Variants in TMC6 observed in about 807,000 individuals in gnomAD.
TMC6 encodes the protein transmembrane channel-like protein 6.
Under a neutral mutation model 95.4 loss-of-function variants are expected in TMC6, and 71 were observed. The ratio of observed to expected loss-of-function variants is 0.74; its 90% CI spans 0.61 to 0.91. TMC6 has a LOEUF of 0.91. Ranked by LOEUF, TMC6 falls within the 40% of genes least tolerant of loss-of-function variation. TMC6 has a pLI of 0.00. For missense variants in TMC6, 1,074 were observed against 1,079.1 expected, an observed-to-expected ratio of 1.00 and a Z score of 0.07; for synonymous variants, 514 against 483.1, an observed-to-expected ratio of 1.06 and a Z score of -0.84.
rs1005632095 is a variant in TMC6 at position 78,119,056 on chromosome 17, G to A, written c.1812-10C>T. The stretch of plus-strand genomic sequence containing the variant: ...GAAGAGCACCCCCAGCCTGGGGAGG[G>A]GGTGGCAGTTCAGGGGCTGCTCCAG... On this transcript the variant is annotated splice_polypyrimidine_tract_variant and intron_variant, in intron 14 of 19. Transcript: ENST00000590602. 3 of 1,573,396 alleles carry A rather than the reference G, an allele frequency of 1.9e-6. No homozygotes were observed. The highest frequency in any genetic ancestry group is 1.4e-5 in the African/African-American group (1 of 73,722).
chr17:78,131,973 G>A, upstream of TMC6: 1 of 1,522,568 alleles, frequency 6.6e-7, no homozygotes, highest in South Asian at 1.2e-5. Context: ...GCGGGAGGCA[G>A]CGCAGCGGCT....
upstream of TMC6, chr17:78,131,404 G>T: frequency 1.3e-6 from 1 of 779,038 alleles, no homozygotes; most frequent in Non-Finnish European, 2.0e-6. Flanking sequence ...CGGCAGACCC[G>T]GGCAAGTGAA....
chr17:78,131,449 G>A (rs1031748324), upstream of TMC6: 29 of 1,253,336 alleles, frequency 2.3e-5, no homozygotes, highest in Non-Finnish European at 3.1e-5. Context: ...CCCGACGCCG[G>A]CGCAGAGGGG....
At chr17:78,126,972 T>G in intron 1 of TMC6, 66 bp from the exon 2 acceptor site, 1 of 977,972 alleles carries the variant, frequency 1.0e-6, no homozygotes. Context: ...ACACCACCCA[T>G]TCCTGGGGGA....
chr17:78,121,805 A>C lies in TMC6; in HGVS notation c.1228-94T>G. On this transcript the variant is annotated intron_variant, in intron 10 of 19. Transcript: ENST00000590602. The surrounding 1 kb of genome is among the most constrained non-coding windows in gnomAD (Gnocchi z 5.6). ...ACAACACACACAACACACATGAGAC[A>C]CACCAGGAGGCTTGAACCAGGACAG... 1 of 1,449,882 alleles carries C rather than the reference A, an allele frequency of 6.9e-7. No homozygotes were observed. 89.8% of individuals were successfully genotyped at this position (1,449,882 alleles called of 1,614,324 possible).
In TMC6 at chr17:78,126,777, C is replaced by T. The variant is rs540739576; in HGVS notation, c.56G>A (p.Gly19Asp). The T allele has an allele frequency of 2.5e-6, 4 of 1,613,196 alleles. No homozygotes were observed. The South Asian group carries it at 3.3e-5, about 13-fold the overall frequency. ...CAGCCCCCAGCCCCAGAGCGCTTAC[C>T]CCTGGTCCCCTGGGGTCTCAGGGAC... ...LDVPETPGDQGQGPSPYDESE... is the reference protein window; with the variant it reads ...LDVPETPGDQDQGPSPYDESE... Residue 19 changes from glycine to aspartate, a missense_variant and splice_region_variant, in exon 2 of 20, where the codon GGC becomes GAC. By Grantham distance (94) the Gly-to-Asp change is moderately conservative. Transcript: ENST00000590602.
Position 78,125,776 on chromosome 17 carries a change from C to T in TMC6, c.380G>A (p.Ser127Asn). The change falls in exon 5 of 20, where the codon AGC becomes AAC. Residue 127 changes from serine to asparagine, a missense_variant. By Grantham distance (46) the Ser-to-Asn change is conservative. Transcript: ENST00000590602. The stretch of plus-strand genomic sequence containing the variant: ...CAGCTCCAGGTCGTACAGGCGGAGG[C>T]TGGGCCAGGCGGAGCGGACAAAGTT... Reference protein sequence around the residue: ...LGNFVRSAWPSLRLYDLELDP... With the variant: ...LGNFVRSAWPNLRLYDLELDP... 6.4e-7 allele frequency: 1 copy of T among 1,565,636 alleles called. No homozygotes were observed. Among genetic ancestry groups the T allele is most frequent in the Non-Finnish European group, 8.7e-7 (1 of 1,155,430 alleles).
rs1336225830 is a variant in TMC6 at position 78,108,691 on chromosome 17, C to T, written c.*4457G>A. 6.5e-6 allele frequency: 1 copy of T among 154,492 alleles called. No homozygotes were observed. The highest frequency in any genetic ancestry group is 2.4e-5 in the African/African-American group (1 of 41,454). The allele number at this position is 154,492 out of a possible 1,614,324, so 9.6% of individuals were successfully genotyped here. A position where few individuals can be genotyped will look rare whatever the true frequency, so the allele number is the denominator to read the frequency against. On this transcript the variant is annotated 3_prime_UTR_variant, in exon 20 of 20. Coordinates refer to ENST00000590602, the MANE Select transcript of TMC6 (RefSeq NM_001127198.5). ...GTGTAGGGACCCCACGCAAAGACCT[C>T]GTGGGCCTGGGTGTCCAGGGCACCA... is the stretch of plus-strand genomic sequence containing the variant.
At chr17:78,130,165 T>G (rs1403911240), upstream of TMC6, among the ~76,000 whole-genome samples, 1 of 152,134 alleles carries the variant, frequency 6.6e-6, no homozygotes, top group Non-Finnish European at 1.5e-5. Flanking sequence ...TGGAGCCAAT[T>G]CCTGAGCACT....
rs1385257138 is a variant in TMC6, at chr17:78,125,730, C to G, written c.426G>C (p.Glu142Asp). The change falls in exon 5 of 20, where the codon GAG (glutamate) becomes GAC (aspartate). Residue 142 changes from glutamate to aspartate, a missense_variant. Transcript: ENST00000590602. ...CTCCAGTGCCCACTCACTCACCCTC[C>G]TCCTCCAGGGCCGTGGGGTCCAGCT... ...DLELDPTALE[E>D]EEKQSLLVKE... The G allele has an allele frequency of 6.4e-7, 1 of 1,565,402 alleles. No individual in the cohort carries two copies. Among genetic ancestry groups the G allele is most frequent in the Non-Finnish European group, 8.7e-7 (1 of 1,155,414 alleles).
At position 78,122,833 on chromosome 17, in the gene TMC6, C is replaced by G; in HGVS notation, c.1083-84G>C. ...GAGAAGGCAGACCGGATGCTCTGGG[C>G]AGCCAGACCCCACCACCCACTCAGG... On this transcript the variant is annotated intron_variant, in intron 9 of 19. Transcript: ENST00000590602. The surrounding 1 kb of genome is among the most constrained non-coding windows in gnomAD (Gnocchi z 4.9). 1.3e-6 allele frequency: 2 copies of G among 1,543,040 alleles called. No homozygotes were observed. Among genetic ancestry groups the G allele is most frequent in the Non-Finnish European group, 8.7e-7 (1 of 1,149,992 alleles).
chr17:78,120,861 G>A (rs1214019307), intron 12 of TMC6, 29 bp from the exon 13 acceptor site: 5 of 1,610,816 alleles, frequency 3.1e-6, no homozygotes, highest in Non-Finnish European at 4.2e-6. Context: ...AAAGGCTGAG[G>A]GGCGGGTACA....
At position 78,122,747 on chromosome 17, in the gene TMC6, A is replaced by G. The variant is rs2074480121; in HGVS notation, c.1085T>C (p.Met362Thr). Residue 362 changes from methionine (M) to threonine (T), a missense_variant and splice_region_variant, in exon 10 of 20, where the codon ATG becomes ACG. By Grantham distance (81) the Met-to-Thr change is moderately conservative. Transcript: ENST00000590602. This position sits in a 1 kb window ranked among gnomAD's most constrained non-coding sequence, Gnocchi z 4.9. ...FITCITLVYS[M>T]AHSFGESYRV... ...GTAGCTCTCCCCGAAAGAGTGAGCCATGCTGGGGAGAAGCAGACACAGACA... is the reference window on the plus strand; with the variant it reads ...GTAGCTCTCCCCGAAAGAGTGAGCCGTGCTGGGGAGAAGCAGACACAGACA... 3.7e-6 allele frequency: 6 copies of G among 1,609,886 alleles called. No homozygotes were observed. The highest frequency in any genetic ancestry group is 4.2e-6 in the Non-Finnish European group (5 of 1,178,892).
upstream of TMC6, chr17:78,132,029 G>T (rs1160736604): frequency 1.3e-6 from 2 of 1,534,300 alleles, no homozygotes; most frequent in Admixed American, 3.9e-5. Context: ...ACGAGATCGG[G>T]GGTAGGACCC....
chr17:78,115,698 C>G (rs1256294110), intron 18 of TMC6, among the ~76,000 whole-genome samples: 13 of 42,596 alleles, frequency 3.1e-4, no homozygotes, highest in Admixed American at 4.5e-4. Context: ...GGAGTGGGCA[C>G]AGGGGCGAAG....
Position 78,111,710 on chromosome 17 carries a change from C to A in TMC6, c.*1438G>T, listed in dbSNP as rs2073828036. On this transcript the variant is annotated 3_prime_UTR_variant, in exon 20 of 20. Transcript: ENST00000590602. ...CCCCATGGGATTGGGTGGGCTAGACCCAGCGTGGGGGTCTGCTAGCAGCCA... is the reference window on the plus strand; with the variant it reads ...CCCCATGGGATTGGGTGGGCTAGACACAGCGTGGGGGTCTGCTAGCAGCCA... 5.9e-6 allele frequency: 1 copy of A among 168,358 alleles called. No homozygotes were observed. The highest frequency in any genetic ancestry group is 1.3e-5 in the Non-Finnish European group (1 of 77,672). The allele number at this position is 168,358 out of a possible 1,614,324, so 10.4% of individuals were successfully genotyped here.
At position 78,107,932 on chromosome 17, in the gene TMC6, C is replaced by G. The variant is rs2073732107; in HGVS notation, c.*5216G>C. The stretch of plus-strand genomic sequence containing the variant: ...ATTTTTGTAAAATCACCTTCGCTAA[C>G]TTTCACCAAGCACTTTGAGCACAGT... On this transcript the variant is annotated 3_prime_UTR_variant, in exon 20 of 20. Transcript: ENST00000590602. The G allele has an allele frequency of 6.6e-6, 1 of 152,218 alleles. No homozygotes were observed. Among genetic ancestry groups the G allele is most frequent in the Non-Finnish European group, 1.5e-5 (1 of 68,050 alleles). The allele number at this position is 152,218 out of a possible 1,614,324, so 9.4% of individuals were successfully genotyped here.
Position 78,124,728 on chromosome 17 carries a change from C to A in TMC6, c.687G>T (p.Pro229=). 1 of 1,590,634 alleles carries A rather than the reference C, an allele frequency of 6.3e-7. No individual in the cohort carries two copies. The highest frequency in any genetic ancestry group is 8.6e-7 in the Non-Finnish European group (1 of 1,169,126). ...ALLSALQALM[P]WRYALKRIGG... ...CGATGCGCTTCAGGGCGTAGCGCCA[C>A]GGCATCAGGGCCTGCAGGGCGGAGA... Residue 229 remains proline (P), a synonymous_variant, in exon 8 of 20, where the codon CCG becomes CCT. Coordinates refer to ENST00000590602, the MANE Select transcript of TMC6 (RefSeq NM_001127198.5).
At chr17:78,118,549 C>T (rs896544299) in intron 15 of TMC6, among the ~76,000 whole-genome samples, 6 of 139,078 alleles carry the variant, frequency 4.3e-5, no homozygotes. Context: ...AAGCAAGACT[C>T]TGTCTCAAAA....
Sources: allele counts gnomAD v4.1 joint callset (sites outside exome capture counted in the v4.1 genomes callset), GRCh38; gene constraint gnomAD v4.1.1; non-coding constraint Gnocchi (gnomAD v3.1); transcripts MANE v1.5; gene names NCBI Gene and HGNC (gene_info 2026-07-23, HGNC 2026-07-21).